STARD13: variants seen among roughly 807,000 people sequenced by gnomAD.
STARD13 encodes the protein stAR-related lipid transfer protein 13.
A neutral mutation model predicts 106.4 loss-of-function variants in STARD13; 62 were observed. The observed-to-expected ratio is 0.58, with a 90% CI of 0.48 to 0.72. STARD13 has a LOEUF of 0.72. Among genes scored for constraint, STARD13 ranks in the 30% least tolerant of loss-of-function variants. The pLI is 0.00. For synonymous variants in STARD13, 565 were observed against 553.0 expected (o/e 1.02, Z -0.31); for missense variants, 1,387 against 1,424.0 (o/e 0.97, Z 0.42).
chr13:33,420,210 A>C, the STARD13 span, among the ~76,000 whole-genome samples: 23,735 of 152,154 alleles, frequency 0.16, 4,435 homozygotes, highest in African/African-American at 0.44. Flanking sequence ...CAGGAGACCC[A>C]TCTCATGTGC....
chr13:33,135,028 G>A (rs1480579301), intron 4 of STARD13, among the ~76,000 whole-genome samples: 1 of 152,236 alleles, frequency 6.6e-6, no homozygotes, highest in African/African-American at 2.4e-5. Context: ...ATTGCATTCT[G>A]CACTGGTCAC....
At chr13:33,606,002 C>T in the STARD13 span, among the ~76,000 whole-genome samples, 1 of 152,056 alleles carries the variant, frequency 6.6e-6, no homozygotes, top group African/African-American at 2.4e-5. Context: ...GATGCCTCAA[C>T]TGAAAAAAGG....
At chr13:33,142,102 C>T (rs370571594) in intron 4 of STARD13, among the ~76,000 whole-genome samples, 8 of 152,278 alleles carry the variant, frequency 5.3e-5, no homozygotes, top group South Asian at 2.1e-4. Context: ...GATCATGGCT[C>T]ACTGCAGCCT....
rs766596671 is a variant in STARD13, at chr13:33,129,115, G to C, written c.1562C>G (p.Pro521Arg). Residue 521 changes from proline to arginine, a missense_variant, in exon 5 of 14, where the codon CCT (proline) becomes CGT (arginine). Pro to Arg is a moderately radical substitution (Grantham distance 103, BLOSUM62 -2). Coordinates refer to ENST00000336934, the MANE Select transcript of STARD13 (RefSeq NM_178006.4). ...AGGAGATGGAAAGGTGGATAAGCCA[G>C]GTTCCCCAACCAATGTATCATGAGT... The part of the protein sequence containing the change: ...LQTHDTLVGE[P>R]GLSTFPSPNQ... The C allele has an allele frequency of 2.3e-5, 37 of 1,614,096 alleles. No homozygotes were observed. The highest frequency in any genetic ancestry group is 5.0e-5 in the Admixed American group (3 of 60,014).
At chr13:33,500,099 C>T in the STARD13 span, among the ~76,000 whole-genome samples, 1 of 152,074 alleles carries the variant, frequency 6.6e-6, no homozygotes, top group Non-Finnish European at 1.5e-5. Context: ...GTCCTACCCT[C>T]AAGACTCTAC....
At chr13:33,517,693 C>T in the STARD13 span, among the ~76,000 whole-genome samples, 2 of 152,168 alleles carry the variant, frequency 1.3e-5, no homozygotes, top group Non-Finnish European at 2.9e-5. Context: ...ATCAATCCAG[C>T]TCAAGGGAGC....
At chr13:33,612,399 C>CTG in the STARD13 span, among the ~76,000 whole-genome samples, 77 of 152,180 alleles carry the variant, frequency 5.1e-4, no homozygotes, top group Non-Finnish European at 1.1e-3. Flanking sequence ...TGATGCCTTC[C>CTG]TGTGTGTGTG....
At chr13:33,591,138 TC>T in the STARD13 span, among the ~76,000 whole-genome samples, 2 of 152,262 alleles carry the variant, frequency 1.3e-5, no homozygotes, top group Non-Finnish European at 2.9e-5. Context: ...AGCTGCAGTT[TC>T]ACTGCAAGGC....
the STARD13 span, among the ~76,000 whole-genome samples, chr13:33,464,021 A>T: frequency 7.7e-6 from 1 of 129,528 alleles, no homozygotes; most frequent in South Asian, 2.6e-4. Flanking sequence ...CAAAAAAAAA[A>T]TACATATATA....
chr13:33,180,845 C>T (rs566239031), intron 1 of STARD13, among the ~76,000 whole-genome samples: 1 of 152,218 alleles, frequency 6.6e-6, no homozygotes, highest in South Asian at 2.1e-4. Flanking sequence ...ATACCTAGTG[C>T]CAAATGGAAA....
the STARD13 span, among the ~76,000 whole-genome samples, chr13:33,622,373 C>A: frequency 6.6e-6 from 1 of 152,132 alleles, no homozygotes; most frequent in South Asian, 2.1e-4. Flanking sequence ...GGGCCAGGCT[C>A]ACGCCTGTAA....
chr13:33,160,160 ATAGACT>A, intron 3 of STARD13, among the ~76,000 whole-genome samples: 1 of 152,196 alleles, frequency 6.6e-6, no homozygotes, highest in Non-Finnish European at 1.5e-5. Context: ...GAGTCTAGAA[ATAGACT>A]TATACATACA....
At chr13:33,218,915 A>G (rs1277323805) in intron 1 of STARD13, among the ~76,000 whole-genome samples, 1 of 152,226 alleles carries the variant, frequency 6.6e-6, no homozygotes, top group Admixed American at 6.5e-5. Flanking sequence ...GGCACTGAAA[A>G]AACAGAGAAT....
the STARD13 span, among the ~76,000 whole-genome samples, chr13:33,477,118 T>C: frequency 6.6e-6 from 1 of 152,248 alleles, no homozygotes. Context: ...ATGTTACCTC[T>C]CTAAATTCTT....
the STARD13 span, among the ~76,000 whole-genome samples, chr13:33,386,869 C>T: frequency 6.6e-6 from 1 of 152,012 alleles, no homozygotes; most frequent in South Asian, 2.1e-4. Flanking sequence ...CACTCTTCTA[C>T]CTTAATTTAA....
chr13:33,343,590 A>C (rs1163952887), intron 1 of STARD13, among the ~76,000 whole-genome samples: 1 of 94,858 alleles, frequency 1.1e-5, no homozygotes, highest in East Asian at 3.0e-4. Context: ...AAAAAAAAAA[A>C]AAAAAAACAA....
the STARD13 span, among the ~76,000 whole-genome samples, chr13:33,654,283 A>G: frequency 6.6e-6 from 1 of 152,372 alleles, no homozygotes; most frequent in African/African-American, 2.4e-5. Context: ...GTATTACTCA[A>G]CCATAAAAAA....
chr13:33,244,199 G>A (rs1358357257), intron 1 of STARD13, among the ~76,000 whole-genome samples: 1 of 151,960 alleles, frequency 6.6e-6, no homozygotes, highest in African/African-American at 2.4e-5. Context: ...CTGAAAATCA[G>A]GATGTGGGAG....
At chr13:33,400,217 G>A in the STARD13 span, among the ~76,000 whole-genome samples, 1 of 152,134 alleles carries the variant, frequency 6.6e-6, no homozygotes, top group Non-Finnish European at 1.5e-5. Context: ...ATAAGTTAGA[G>A]CACACAGTGT....
Sources: gnomAD v4.1 joint callset for allele counts (sites outside exome capture counted in the v4.1 genomes callset) on GRCh38, gnomAD v4.1.1 for gene constraint, MANE v1.5 for transcripts, NCBI Gene and HGNC (gene_info 2026-07-23, HGNC 2026-07-21) for gene names.